The following SLC26A7 variants were observed in gnomAD, a reference collection of about 807,000 sequenced individuals.
The protein encoded by SLC26A7 is anion exchange transporter.
SLC26A7 carries 59 observed loss-of-function variants against 82.5 expected under a neutral mutation model. That is an observed-to-expected ratio of 0.72 (90% CI 0.58 to 0.89). The LOEUF is 0.89. Among genes scored for constraint, SLC26A7 ranks in the 40% least tolerant of loss-of-function variants. The pLI, the probability that SLC26A7 is intolerant of heterozygous loss-of-function variation, is 0.00. For synonymous variants in SLC26A7, 271 were observed against 274.3 expected (o/e 0.99, Z 0.12); for missense variants, 820 against 793.0 (o/e 1.03, Z -0.41).
intron 2 of SLC26A7, among the ~76,000 whole-genome samples, chr8:91,283,606 A>G (rs1811631498): frequency 6.6e-6 from 1 of 152,154 alleles, no homozygotes; most frequent in African/African-American, 2.4e-5. Context: ...AATTATTGGT[A>G]CTTAGCCTTT....
At chr8:91,217,808 T>C (rs1810081158) in intron 1 of SLC26A7, among the ~76,000 whole-genome samples, 1 of 152,170 alleles carries the variant, frequency 6.6e-6, no homozygotes, top group Non-Finnish European at 1.5e-5. Flanking sequence ...TTAATATCTT[T>C]GTAGGAAAAA....
rs199586418 is a variant in SLC26A7, at chr8:91,307,833, T to TTAAAA, written c.478-10366_478-10362dup. 1.5e-3 allele frequency among the ~76,000 whole-genome samples: 229 copies of TTAAAA among 151,746 alleles called. 2 individuals are homozygous for TTAAAA. The highest frequency in any genetic ancestry group is 5.4e-3 in the African/African-American group (222 of 41,392). On this transcript the variant is annotated intron_variant, in intron 4 of 18. Coordinates refer to ENST00000276609, the MANE Select transcript of SLC26A7 (RefSeq NM_052832.4). Reference sequence around the variant, plus strand: ...TAAATAAATAAAAAAAATAAATTTCTTAAAATAAAATAAAATAAAATGCTA... The same window carrying TTAAAA: ...TAAATAAATAAAAAAAATAAATTTCTTAAAATAAAATAAAATAAAATAAAATGCTA...
At chr8:91,258,819 C>T (rs1247262900) in intron 2 of SLC26A7, among the ~76,000 whole-genome samples, 1 of 152,108 alleles carries the variant, frequency 6.6e-6, no homozygotes, top group African/African-American at 2.4e-5. Flanking sequence ...AAAATTTACC[C>T]TGCTAGTTAG....
intron 2 of SLC26A7, among the ~76,000 whole-genome samples, chr8:91,263,346 T>C (rs1010127307): frequency 6.6e-6 from 1 of 152,112 alleles, no homozygotes; most frequent in Admixed American, 6.6e-5. Context: ...GCCTTGACTT[T>C]ATAGCCTTGG....
chr8:91,273,222 A>G (rs1811318380), intron 2 of SLC26A7, among the ~76,000 whole-genome samples: 2 of 152,160 alleles, frequency 1.3e-5, no homozygotes, highest in Non-Finnish European at 1.5e-5. Flanking sequence ...CAAAATAAAC[A>G]ATTTCCATTT....
intron 15 of SLC26A7, among the ~76,000 whole-genome samples, chr8:91,381,311 CATATA>C (rs994068530): frequency 2.6e-5 from 4 of 152,018 alleles, no homozygotes; most frequent in African/African-American, 9.7e-5. Flanking sequence ...TGAATTACAA[CATATA>C]ATATGTTGTA....
At chr8:91,279,111 A>G (rs1006970614) in intron 2 of SLC26A7, among the ~76,000 whole-genome samples, 7 of 115,042 alleles carry the variant, frequency 6.1e-5, no homozygotes, top group East Asian at 5.6e-4. Context: ...ATTTCATAGT[A>G]TGTGTGTGTG....
At chr8:91,353,278 A>G (rs1398373468) in intron 11 of SLC26A7, among the ~76,000 whole-genome samples, 1 of 152,168 alleles carries the variant, frequency 6.6e-6, no homozygotes, top group Non-Finnish European at 1.5e-5. Context: ...CCCAATTTAC[A>G]ATATGAATTA....
At chr8:91,340,056 A>C (rs1226937459) in intron 7 of SLC26A7, among the ~76,000 whole-genome samples, 2 of 152,196 alleles carry the variant, frequency 1.3e-5, no homozygotes, top group East Asian at 3.8e-4. Flanking sequence ...ACACCAGCCA[A>C]ATAAATATTT....
intron 2 of SLC26A7, among the ~76,000 whole-genome samples, chr8:91,242,497 C>A (rs1274118626): frequency 6.6e-6 from 1 of 152,024 alleles, no homozygotes; most frequent in Non-Finnish European, 1.5e-5. Flanking sequence ...ATGTTAAAGC[C>A]CTAGCCCCCA....
chr8:91,340,554 G>T lies in SLC26A7; in HGVS notation c.1026+3G>T, dbSNP rs1813378224. The T allele has an allele frequency of 6.2e-7, 1 of 1,613,690 alleles. No individual in the cohort carries two copies. The highest frequency in any genetic ancestry group is 1.3e-5 in the African/African-American group (1 of 74,960). ...AATATTCAATTGATGACAACCAGGT[G>T]GAGTGTGCCCCCAGTCCCTCTCCAC... On this transcript the variant is annotated splice_donor_region_variant and intron_variant, in intron 8 of 18. Transcript: ENST00000276609.
chr8:91,321,646 A>G lies in SLC26A7; in HGVS notation c.642+3266A>G, dbSNP rs112276580. 1.5e-3 allele frequency among the ~76,000 whole-genome samples: 224 copies of G among 152,278 alleles called. 2 individuals are homozygous for G. Among genetic ancestry groups the G allele is most frequent in the African/African-American group, 5.3e-3 (221 of 41,562 alleles). On this transcript the variant is annotated intron_variant, in intron 5 of 18. Transcript: ENST00000276609. ...ACTTATCCTTTTATTTAGCCTTCCTAAATTCCTTCACAGATAACTCTTTAC... is the reference window on the plus strand; with the variant it reads ...ACTTATCCTTTTATTTAGCCTTCCTGAATTCCTTCACAGATAACTCTTTAC...
chr8:91,299,634 T>G (rs535677498), intron 4 of SLC26A7, among the ~76,000 whole-genome samples: 1 of 152,206 alleles, frequency 6.6e-6, no homozygotes, highest in Non-Finnish European at 1.5e-5. Flanking sequence ...TCTTTGCTAT[T>G]CTACTGCCCT....
chr8:91,392,158 T>G (rs2130908504), intron 16 of SLC26A7, among the ~76,000 whole-genome samples: 1 of 152,318 alleles, frequency 6.6e-6, no homozygotes. Context: ...TAGCCAGGTG[T>G]GTTTTATCTA....
At chr8:91,346,910 G>A (rs141999256) in intron 9 of SLC26A7, among the ~76,000 whole-genome samples, 131 of 152,014 alleles carry the variant, frequency 8.6e-4, no homozygotes, top group African/African-American at 3.0e-3. Context: ...CCCATCCTTC[G>A]TATCTCACTG....
intron 4 of SLC26A7, among the ~76,000 whole-genome samples, chr8:91,310,616 G>A (rs959243836): frequency 9.2e-5 from 14 of 152,176 alleles, no homozygotes; most frequent in African/African-American, 2.2e-4. Flanking sequence ...TCAAGAACGC[G>A]TATTAAGGGG....
chr8:91,318,411 T>G, intron 5 of SLC26A7, 31 bp downstream of exon 5: 1 of 1,540,992 alleles, frequency 6.5e-7, no homozygotes. Flanking sequence ...CATACATATC[T>G]TTTGAATGTG....
chr8:91,388,333 G>A (rs1288325761), intron 15 of SLC26A7, among the ~76,000 whole-genome samples: 3 of 148,994 alleles, frequency 2.0e-5, no homozygotes, highest in African/African-American at 7.4e-5. Flanking sequence ...TGCAAGCTCC[G>A]CCTCCCGGGT....
At chr8:91,270,452 G>A (rs1811238535) in intron 2 of SLC26A7, among the ~76,000 whole-genome samples, 2 of 152,190 alleles carry the variant, frequency 1.3e-5, no homozygotes, top group Non-Finnish European at 2.9e-5. Context: ...CCAGGCCTGG[G>A]AAAGACTTAA....
Sources: allele counts gnomAD v4.1 joint callset (sites outside exome capture counted in the v4.1 genomes callset), GRCh38; gene constraint gnomAD v4.1.1; transcripts MANE v1.5; gene names NCBI Gene and HGNC (gene_info 2026-07-23, HGNC 2026-07-21).